The following SPATA13 variants were observed in gnomAD, a reference collection of about 807,000 sequenced individuals.
SPATA13 encodes spermatogenesis associated 13.
In SPATA13, 50 loss-of-function variants were observed where a neutral mutation model predicts 104.0. That is an observed-to-expected ratio of 0.48 (90% CI 0.38 to 0.61). The LOEUF is 0.61. Ranked by LOEUF, SPATA13 falls within the 20% of genes least tolerant of loss-of-function variation. SPATA13 has a pLI of 0.00. For synonymous variants in SPATA13, 606 were observed against 667.5 expected, an observed-to-expected ratio of 0.91 and a Z score of 1.42; for missense variants, 1,524 against 1,690.6, an observed-to-expected ratio of 0.90 and a Z score of 1.73.
intron 2 of SPATA13, among the ~76,000 whole-genome samples, chr13:24,238,132 C>CTTTTTTTTTTTTTTT (rs66810619): frequency 5.2e-5 from 4 of 77,154 alleles, no homozygotes; most frequent in Non-Finnish European, 7.2e-5. Context: ...TTCTTCTTGA[C>CTTTTTTTTTTTTTTT]TTTTTTTTTT....
intron 1 of SPATA13, among the ~76,000 whole-genome samples, chr13:24,213,251 C>G (rs570334491): frequency 6.6e-6 from 1 of 152,218 alleles, no homozygotes; most frequent in East Asian, 1.9e-4. Context: ...CTTCGGAACA[C>G]TGCAAAGGGT....
At chr13:24,052,255 T>C (rs1055707825) in intron 3 of SPATA13, among the ~76,000 whole-genome samples, 6 of 152,174 alleles carry the variant, frequency 3.9e-5, no homozygotes, top group African/African-American at 1.4e-4. Flanking sequence ...GAATTCTGAA[T>C]AGGCCTGGTG....
rs144324423 is a variant in SPATA13 at position 24,281,255 on chromosome 13, G to A, written c.2165-2880G>A. Among the ~76,000 whole-genome samples, 122 of 152,268 alleles carry A rather than the reference G, an allele frequency of 8.0e-4. No homozygotes were observed. In the East Asian group the frequency reaches 0.02, roughly 25 times the overall value. Reference sequence around the variant, plus strand: ...AATTTACTCCTCCCCCTCCAACCCCGTCTCTTGGTCTCTTAGACAGCTCAC... The same window carrying A: ...AATTTACTCCTCCCCCTCCAACCCCATCTCTTGGTCTCTTAGACAGCTCAC... On this transcript the variant is annotated intron_variant, in intron 4 of 12. Transcript: ENST00000382108.
rs763974613 is a variant in SPATA13, at chr13:24,251,780, G to T, written c.2082G>T (p.Arg694=). 6.8e-6 allele frequency: 11 copies of T among 1,614,088 alleles called. No individual in the cohort carries two copies. In the African/African-American group the frequency reaches 1.2e-4, roughly 18 times the overall value. The part of the protein sequence containing the change: ...QVPPYKAVSA[R]FRPFTFSQST... ...CACCCTACAAGGCTGTGTCGGCCCGGTTCCGGCCCTTCACATTCTCCCAGA... is the reference window on the plus strand; with the variant it reads ...CACCCTACAAGGCTGTGTCGGCCCGTTTCCGGCCCTTCACATTCTCCCAGA... Residue 694 remains arginine, a synonymous_variant, in exon 4 of 13, where the codon CGG becomes CGT. Transcript: ENST00000382108.
chr13:24,092,785 C>G (rs956950994), intron 3 of SPATA13, among the ~76,000 whole-genome samples: 3 of 152,192 alleles, frequency 2.0e-5, no homozygotes, highest in African/African-American at 7.2e-5. Flanking sequence ...GATTTCTTAG[C>G]AGTCATATTT....
At chr13:24,071,875 C>T (rs79573361) in intron 3 of SPATA13, among the ~76,000 whole-genome samples, 2 of 152,252 alleles carry the variant, frequency 1.3e-5, no homozygotes, top group African/African-American at 2.4e-5. Flanking sequence ...TGATTCTCCC[C>T]GTGTGCACTT....
At chr13:24,226,783 T>A (rs1431925814) in intron 2 of SPATA13, among the ~76,000 whole-genome samples, 1 of 152,218 alleles carries the variant, frequency 6.6e-6, no homozygotes, top group East Asian at 1.9e-4. Flanking sequence ...CTCTGCACTG[T>A]CCATCTTGAC....
chr13:24,237,785 C>A lies in SPATA13; in HGVS notation c.1654-11692C>A, dbSNP rs76642735. On this transcript the variant is annotated intron_variant, in intron 2 of 12. Coordinates refer to ENST00000382108, the MANE Select transcript of SPATA13 (RefSeq NM_001166271.3). ...TCTGAGACCAGCCTGGGCAACATAACCAGACCCCATCTTATAAATTTTAAA... is the reference window on the plus strand; with the variant it reads ...TCTGAGACCAGCCTGGGCAACATAAACAGACCCCATCTTATAAATTTTAAA... 4.5e-3 allele frequency among the ~76,000 whole-genome samples: 677 copies of A among 151,472 alleles called. 40 individuals carry two copies. In the East Asian group the frequency reaches 0.11, roughly 24 times the overall value.
At chr13:24,094,089 C>A (rs2137794208) in intron 3 of SPATA13, among the ~76,000 whole-genome samples, 1 of 152,290 alleles carries the variant, frequency 6.6e-6, no homozygotes, top group South Asian at 2.1e-4. Flanking sequence ...TGGAGCAGAC[C>A]TGGGCTATAA....
At chr13:24,054,590 C>T (rs1593301613) in intron 3 of SPATA13, among the ~76,000 whole-genome samples, 1 of 152,058 alleles carries the variant, frequency 6.6e-6, no homozygotes, top group Non-Finnish European at 1.5e-5. Flanking sequence ...ATAGTTACCC[C>T]CAAAACACAA....
intron 1 of SPATA13, chr13:23,983,698 A>G (rs1875015489): frequency 6.5e-6 from 1 of 154,096 alleles, no homozygotes; most frequent in Non-Finnish European, 1.4e-5. Flanking sequence ...AGCTTGCTTC[A>G]TAATTTATTT....
At chr13:23,980,825 C>T (rs1874857146) in intron 1 of SPATA13, among the ~76,000 whole-genome samples, 2 of 152,178 alleles carry the variant, frequency 1.3e-5, no homozygotes, top group Admixed American at 1.3e-4. Context: ...CTCCTGACCT[C>T]AGGTGATCCG....
In SPATA13 at chr13:24,011,224, C is replaced by T. The variant is rs1280099464; in HGVS notation, c.-146-6443C>T. On this transcript the variant is annotated intron_variant, in intron 2 of 14. Transcript: ENST00000424834. This position sits in a 1 kb window ranked among gnomAD's most constrained non-coding sequence, Gnocchi z 4.3. ...CCACCTCCCAGCCTGGATCAGCACT[C>T]GGAGCTCCCACCTGCCTCCCAGGGG... 4.0e-5 allele frequency among the ~76,000 whole-genome samples: 6 copies of T among 151,746 alleles called. No homozygotes were observed. Among genetic ancestry groups the T allele is most frequent in the Non-Finnish European group, 7.4e-5 (5 of 67,928 alleles).
intron 3 of SPATA13, among the ~76,000 whole-genome samples, chr13:24,137,256 T>C (rs7325920): frequency 0.45 from 68,993 of 152,064 alleles, 17,167 homozygotes; most frequent in South Asian, 0.57. Flanking sequence ...GAAAGGCCAC[T>C]GAACTGAAAG....
chr13:24,270,743 G>T (rs1874536556), intron 4 of SPATA13: 34 of 1,569,146 alleles, frequency 2.2e-5, no homozygotes, highest in Middle Eastern at 3.4e-4. Context: ...GTGAATAAGC[G>T]ATTTCTGCAG....
At chr13:24,010,203 T>C (rs1210770435) in intron 2 of SPATA13, among the ~76,000 whole-genome samples, 1 of 152,180 alleles carries the variant, frequency 6.6e-6, no homozygotes, top group African/African-American at 2.4e-5. Flanking sequence ...AATTTATATG[T>C]GAGAGGGGAT....
In SPATA13 at chr13:24,155,211, C is replaced by T. The variant is rs561710212; in HGVS notation, c.-111-67608C>T. Among the ~76,000 whole-genome samples, 19 of 152,244 alleles carry T rather than the reference C, an allele frequency of 1.2e-4. No homozygotes were observed. In the South Asian group the frequency reaches 2.1e-3, roughly 17 times the overall value. On this transcript the variant is annotated intron_variant, in intron 3 of 14. Coordinates refer to the SPATA13 transcript ENST00000424834. The stretch of plus-strand genomic sequence containing the variant: ...GGTTCCAAGCAGTTTGCCCAAAGCA[C>T]CCAGCTAGTGAAAGATGAAAGGGGG...
upstream of SPATA13, among the ~76,000 whole-genome samples, chr13:24,158,044 T>C (rs563584272): frequency 3.3e-5 from 5 of 152,344 alleles, no homozygotes; most frequent in African/African-American, 1.2e-4. Flanking sequence ...GTTTTGGAGA[T>C]GTTATGTGGA....
chr13:24,157,480 T>G (rs1316512015), upstream of SPATA13, among the ~76,000 whole-genome samples: 1 of 152,098 alleles, frequency 6.6e-6, no homozygotes. Flanking sequence ...TTTTGTATTT[T>G]TAGTAGAGAC....
Sources: allele counts gnomAD v4.1 joint callset (sites outside exome capture counted in the v4.1 genomes callset), GRCh38; gene constraint gnomAD v4.1.1; non-coding constraint Gnocchi (gnomAD v3.1); transcripts MANE v1.5; gene names NCBI Gene and HGNC (gene_info 2026-07-23, HGNC 2026-07-21).